The following SHISA9 variants were observed in gnomAD, a reference collection of about 807,000 sequenced individuals.
SHISA9 encodes the protein shisa family member 9, also known as protein shisa-9.
SHISA9 carries 13 observed loss-of-function variants against 38.0 expected under a neutral mutation model. The observed-to-expected ratio is 0.34, with a 90% CI of 0.22 to 0.54. SHISA9 has a LOEUF of 0.54. Among genes scored for constraint, SHISA9 ranks in the 20% least tolerant of loss-of-function variants. The pLI is 0.91. For missense variants in SHISA9, 538 were observed against 575.8 expected, an observed-to-expected ratio of 0.93 and a Z score of 0.67; for synonymous variants, 275 against 242.0, an observed-to-expected ratio of 1.14 and a Z score of -1.27.
rs996513888 is a variant in SHISA9 at position 12,904,152 on chromosome 16, A to C, written c.563+1525A>C. On this transcript the variant is annotated intron_variant, in intron 1 of 4. Coordinates refer to ENST00000558583, the MANE Select transcript of SHISA9 (RefSeq NM_001145204.3). ...CACAGGGTGGCCTGTCCCCAGCCCC[A>C]CCGGCCAGGCCAGTCCCTGTTAATT... Among the ~76,000 whole-genome samples, 4 of 152,032 alleles carry C rather than the reference A, an allele frequency of 2.6e-5. No individual in the cohort carries two copies. The East Asian group carries it at 7.7e-4, about 29-fold the overall frequency.
At chr16:13,150,167 A>C (rs1293727584) in intron 2 of SHISA9, among the ~76,000 whole-genome samples, 16 of 150,946 alleles carry the variant, frequency 1.1e-4, no homozygotes, top group Non-Finnish European at 7.4e-5. Flanking sequence ...GTTCCTCTTC[A>C]CCCAAATTGG....
the SHISA9 span, among the ~76,000 whole-genome samples, chr16:13,539,322 ACAG>A: frequency 0.028 from 829 of 29,878 alleles, 72 homozygotes; most frequent in East Asian, 0.062. Flanking sequence ...ATATATAAAG[ACAG>A]GATCTTTATA....
chr16:12,984,811 T>C (rs1180473468), intron 2 of SHISA9, among the ~76,000 whole-genome samples: 4 of 152,166 alleles, frequency 2.6e-5, no homozygotes, highest in African/African-American at 9.6e-5. Context: ...AGGATTCTGG[T>C]GGGCTGCTGG....
chr16:13,240,367 A>G lies in SHISA9; in HGVS notation c.*4958A>G, dbSNP rs1280122401. On this transcript the variant is annotated 3_prime_UTR_variant, in exon 5 of 5. Transcript: ENST00000558583. ...TGTTTATTTGTAAACATATGTATTC[A>G]CTATATTAATATGAATTTCTTACCT... is the stretch of plus-strand genomic sequence containing the variant. 6.6e-6 allele frequency: 1 copy of G among 152,250 alleles called. No individual in the cohort carries two copies. Among genetic ancestry groups the G allele is most frequent in the Non-Finnish European group, 1.5e-5 (1 of 68,046 alleles). The allele number at this position is 152,250 out of a possible 1,614,324, so 9.4% of individuals were successfully genotyped here.
chr16:13,293,035 C>T, the SHISA9 span, among the ~76,000 whole-genome samples: 1 of 152,094 alleles, frequency 6.6e-6, no homozygotes, highest in African/African-American at 2.4e-5. Context: ...CCAGGTTTCC[C>T]CCCTGCAAAC....
At chr16:13,059,416 C>T (rs534956324) in intron 2 of SHISA9, among the ~76,000 whole-genome samples, 8 of 152,190 alleles carry the variant, frequency 5.3e-5, no homozygotes, top group South Asian at 2.1e-4. Flanking sequence ...CGTGAGCCAC[C>T]GCACCTGGCC....
In SHISA9 at chr16:12,912,035, G is replaced by A. The variant is rs544513679; in HGVS notation, c.564-4653G>A. Among the ~76,000 whole-genome samples, 31 of 152,314 alleles carry A rather than the reference G, an allele frequency of 2.0e-4. No homozygotes were observed. The South Asian group carries it at 2.9e-3, about 14-fold the overall frequency. On this transcript the variant is annotated intron_variant, in intron 1 of 4. Transcript: ENST00000558583. ...AGCACATCCCAGCGACGGGACTGCT[G>A]GTGGTCATCTTCCTTGGTCCAAGGT... is the stretch of plus-strand genomic sequence containing the variant.
chr16:13,007,710 A>G (rs562388312), intron 2 of SHISA9, among the ~76,000 whole-genome samples: 2 of 152,300 alleles, frequency 1.3e-5, no homozygotes, highest in South Asian at 2.1e-4. Flanking sequence ...TTCCTTCAGC[A>G]TGCCTGCCTA....
the SHISA9 span, among the ~76,000 whole-genome samples, chr16:13,408,093 T>C: frequency 2.6e-5 from 4 of 152,198 alleles, no homozygotes; most frequent in African/African-American, 9.7e-5. Context: ...GTGCAGAAGC[T>C]CTTTAGCAGA....
chr16:13,203,496 A>G lies in SHISA9; in HGVS notation c.794A>G (p.Glu265Gly). 6.5e-7 allele frequency: 1 copy of G among 1,549,582 alleles called. No homozygotes were observed. Among genetic ancestry groups the G allele is most frequent in the Non-Finnish European group, 8.7e-7 (1 of 1,146,018 alleles). Residue 265 changes from glutamate (E) to glycine (G), a missense_variant, in exon 3 of 5, where the codon GAA becomes GGA. Physicochemically the swap from Glu to Gly is moderately conservative, Grantham distance 98. This residue lies in a region of SHISA9 where 326 missense variants were observed against 305.9 expected (regional missense o/e 1.07). Transcript: ENST00000558583. Reference protein sequence around the residue: ...PNLGQISNPYEQQPPGKELNK... With the variant: ...PNLGQISNPYGQQPPGKELNK... ...CTGGGCCAGATCTCCAACCCCTATG[A>G]ACAGCAGCCACCAGGAAAAGAGCTC... is the stretch of plus-strand genomic sequence containing the variant.
chr16:13,403,645 C>G, the SHISA9 span, among the ~76,000 whole-genome samples: 2 of 152,208 alleles, frequency 1.3e-5, no homozygotes. Flanking sequence ...AGAGTCATCA[C>G]ACTTATGCCT....
chr16:13,010,967 C>G (rs142922258), intron 2 of SHISA9, among the ~76,000 whole-genome samples: 518 of 152,152 alleles, frequency 3.4e-3, no homozygotes, highest in Non-Finnish European at 4.5e-3. Context: ...TTTAAAAAAG[C>G]TAGTTAAATA....
At chr16:13,378,730 A>T in the SHISA9 span, among the ~76,000 whole-genome samples, 1 of 152,224 alleles carries the variant, frequency 6.6e-6, no homozygotes, top group African/African-American at 2.4e-5. Flanking sequence ...TGTCTAGCAC[A>T]ATGTATGAAA....
At chr16:13,409,982 C>T in the SHISA9 span, among the ~76,000 whole-genome samples, 6 of 152,188 alleles carry the variant, frequency 3.9e-5, no homozygotes, top group South Asian at 4.1e-4. Flanking sequence ...AACTGCTTAG[C>T]GCAGTGTCCC....
chr16:13,505,126 C>T, the SHISA9 span, among the ~76,000 whole-genome samples: 8 of 152,178 alleles, frequency 5.3e-5, no homozygotes, highest in Non-Finnish European at 1.0e-4. Flanking sequence ...CTAACAAATT[C>T]CAGTATGGTT....
intron 4 of SHISA9, among the ~76,000 whole-genome samples, chr16:13,226,897 A>C (rs1482441944): frequency 6.6e-6 from 1 of 152,206 alleles, no homozygotes; most frequent in Non-Finnish European, 1.5e-5. Flanking sequence ...GCTAGAATCT[A>C]CTGGTCCAAG....
chr16:13,260,003 C>CTTTTTT, the SHISA9 span, among the ~76,000 whole-genome samples: 3 of 59,360 alleles, frequency 5.1e-5, no homozygotes, highest in African/African-American at 1.7e-4. Context: ...TCTTTTCTTT[C>CTTTTTT]TTTCTTTTTT....
At chr16:13,463,989 A>G in the SHISA9 span, among the ~76,000 whole-genome samples, 6 of 152,382 alleles carry the variant, frequency 3.9e-5, no homozygotes, top group South Asian at 1.2e-3. Flanking sequence ...ATGCTAATTA[A>G]CAGAAAGATC....
Position 13,046,840 on chromosome 16 carries a change from A to T in SHISA9, c.691+130025A>T, listed in dbSNP as rs117477626. ...TCTGCCTAAACCACTCTTCCTCTGCATGGCCTGGCTGGTTTCTGCTCAGCC... is the reference window on the plus strand; with the variant it reads ...TCTGCCTAAACCACTCTTCCTCTGCTTGGCCTGGCTGGTTTCTGCTCAGCC... On this transcript the variant is annotated intron_variant, in intron 2 of 4. Coordinates refer to ENST00000558583, the MANE Select transcript of SHISA9 (RefSeq NM_001145204.3). 7.9e-5 allele frequency among the ~76,000 whole-genome samples: 12 copies of T among 152,248 alleles called. No individual in the cohort carries two copies. In the East Asian group the frequency reaches 2.3e-3, roughly 30 times the overall value.
Sources: gnomAD v4.1 joint callset for allele counts (sites outside exome capture counted in the v4.1 genomes callset) on GRCh38, gnomAD v4.1.1 for gene constraint, gnomAD v4.1.1 regional missense constraint, MANE v1.5 for transcripts, NCBI Gene and HGNC (gene_info 2026-07-23, HGNC 2026-07-21) for gene names.